SUSD3: variants seen among roughly 807,000 people sequenced by gnomAD.
SUSD3 encodes the protein sushi domain-containing protein 3.
In SUSD3, 18 loss-of-function variants were observed where a neutral mutation model predicts 20.6. The ratio of observed to expected loss-of-function variants is 0.87; its 90% confidence interval spans 0.60 to 1.30. The LOEUF is 1.30. Ranked by LOEUF, SUSD3 falls within the 50% of genes most tolerant of loss-of-function variation. The pLI, the probability that SUSD3 is intolerant of heterozygous loss-of-function variation, is 0.00. For missense variants in SUSD3, 306 were observed against 346.9 expected (o/e 0.88, Z 0.94); for synonymous variants, 137 against 141.5 (o/e 0.97, Z 0.23).
chr9:93,073,270 G>A (rs1345557036), intron 1 of SUSD3, among the ~76,000 whole-genome samples: 9 of 136,170 alleles, frequency 6.6e-5, no homozygotes, highest in South Asian at 4.7e-4. Flanking sequence ...TTTTTGAGAC[G>A]GAGTCTCGCT....
intron 4 of SUSD3, among the ~76,000 whole-genome samples, chr9:93,084,038 T>C (rs1254450690): frequency 6.6e-6 from 1 of 152,004 alleles, no homozygotes; most frequent in Non-Finnish European, 1.5e-5. Flanking sequence ...GCTTGGTTTG[T>C]ATCTGGGGGA....
chr9:93,075,652 C>T, intron 1 of SUSD3, 132 bp from the exon 2 acceptor site: 5 of 658,890 alleles, frequency 7.6e-6, no homozygotes, highest in Non-Finnish European at 1.3e-5. Context: ...CATCCAATGG[C>T]CTTTGGAGCT....
At chr9:93,074,431 C>CAAAAAAAA (rs56872294) in intron 1 of SUSD3, among the ~76,000 whole-genome samples, 3 of 38,874 alleles carry the variant, frequency 7.7e-5, no homozygotes, top group African/African-American at 1.7e-4. Context: ...GACTCTGACT[C>CAAAAAAAA]AAAAAAAAAA....
intron 4 of SUSD3, among the ~76,000 whole-genome samples, chr9:93,082,576 C>T (rs1317303757): frequency 6.6e-6 from 1 of 152,184 alleles, no homozygotes; most frequent in Non-Finnish European, 1.5e-5. Context: ...CTCGGCCTCC[C>T]AAAGTGCTGG....
chr9:93,080,608 G>C (rs1185174280), intron 4 of SUSD3, among the ~76,000 whole-genome samples: 1 of 152,200 alleles, frequency 6.6e-6, no homozygotes, highest in African/African-American at 2.4e-5. Flanking sequence ...ACATGGGCCA[G>C]GCTGCCCCCA....
chr9:93,063,853 G>T (rs977341090), intron 1 of SUSD3, among the ~76,000 whole-genome samples: 2 of 152,178 alleles, frequency 1.3e-5, no homozygotes, highest in Admixed American at 1.3e-4. Context: ...CCAGGACTGC[G>T]TTTAAGGCCC....
intron 3 of SUSD3, 27 bp from the exon 4 acceptor site, chr9:93,079,444 A>G: frequency 6.2e-7 from 1 of 1,612,422 alleles, no homozygotes; most frequent in Non-Finnish European, 8.5e-7. Context: ...GCATGCTCAG[A>G]GTCCTTCCTC....
chr9:93,082,883 C>T (rs1826477172), intron 4 of SUSD3, among the ~76,000 whole-genome samples: 1 of 152,336 alleles, frequency 6.6e-6, no homozygotes, highest in South Asian at 2.1e-4. Flanking sequence ...AGGGGCTTTG[C>T]TGGCCAGAGC....
intron 1 of SUSD3, among the ~76,000 whole-genome samples, chr9:93,074,746 C>T (rs1050832439): frequency 2.0e-5 from 3 of 150,618 alleles, no homozygotes; most frequent in Non-Finnish European, 4.4e-5. Flanking sequence ...TCCTGAGTAG[C>T]TGGAATTACA....
chr9:93,076,687 T>C (rs1350681747), intron 2 of SUSD3, among the ~76,000 whole-genome samples: 2 of 152,236 alleles, frequency 1.3e-5, no homozygotes, highest in Non-Finnish European at 2.9e-5. Flanking sequence ...TCTCTGAGGA[T>C]GCGAGTGTTA....
intron 3 of SUSD3, 73 bp from the exon 4 acceptor site, chr9:93,079,397 CA>C (rs1826308810): frequency 1.3e-6 from 2 of 1,551,564 alleles, no homozygotes. Context: ...CCTGGGCCTA[CA>C]TGGAGCCTGT....
chr9:93,065,463 A>G (rs554441680), intron 1 of SUSD3, among the ~76,000 whole-genome samples: 1 of 152,144 alleles, frequency 6.6e-6, no homozygotes, highest in African/African-American at 2.4e-5. Flanking sequence ...GCCAACGGCT[A>G]CTCCCAAACC....
At position 93,079,791 on chromosome 9, in the gene SUSD3, C is replaced by T. The variant is rs914887771; in HGVS notation, c.557+189C>T. On this transcript the variant is annotated intron_variant, in intron 4 of 4. Transcript: ENST00000375472. ...TTGTAGCACTCTGTCCTGACTCTGA[C>T]ATTCTAGGACTCAGAACTGCCCCCA... Among the ~76,000 whole-genome samples the T allele has an allele frequency of 7.2e-5, 11 of 152,112 alleles. No homozygotes were observed. The East Asian group carries it at 1.5e-3, about 21-fold the overall frequency.
At chr9:93,080,549 C>T (rs1826372845) in intron 4 of SUSD3, among the ~76,000 whole-genome samples, 1 of 152,174 alleles carries the variant, frequency 6.6e-6, no homozygotes, top group African/African-American at 2.4e-5. Context: ...TCTGTGTGAC[C>T]AGGCCCGGCT....
At chr9:93,079,177 T>A (rs936380010) in intron 3 of SUSD3, among the ~76,000 whole-genome samples, 3 of 152,224 alleles carry the variant, frequency 2.0e-5, no homozygotes, top group African/African-American at 7.2e-5. Flanking sequence ...ATTAGCACTG[T>A]CCAGCCCTAG....
chr9:93,071,262 G>C (rs1302202216), intron 1 of SUSD3, among the ~76,000 whole-genome samples: 3 of 152,236 alleles, frequency 2.0e-5, no homozygotes, highest in Non-Finnish European at 4.4e-5. Context: ...CTGCCTGCAA[G>C]CTAAGGAGCA....
At chr9:93,064,530 G>A (rs1421821473) in intron 1 of SUSD3, among the ~76,000 whole-genome samples, 3 of 152,196 alleles carry the variant, frequency 2.0e-5, no homozygotes, top group Non-Finnish European at 4.4e-5. Context: ...AGAACCTGGC[G>A]GCTGAGAACA....
chr9:93,063,388 G>A (rs1433482385), intron 1 of SUSD3, among the ~76,000 whole-genome samples: 3 of 152,186 alleles, frequency 2.0e-5, no homozygotes, highest in African/African-American at 7.2e-5. Context: ...CACCAGTTTT[G>A]CAGACGGGGA....
chr9:93,073,792 C>T (rs777247785), intron 1 of SUSD3, among the ~76,000 whole-genome samples: 4 of 152,218 alleles, frequency 2.6e-5, no homozygotes, highest in Non-Finnish European at 4.4e-5. Context: ...AAGTAACCAG[C>T]TGCTGATATA....
Sources: allele counts gnomAD v4.1 joint callset (sites outside exome capture counted in the v4.1 genomes callset), GRCh38; gene constraint gnomAD v4.1.1; transcripts MANE v1.5; gene names NCBI Gene and HGNC (gene_info 2026-07-23, HGNC 2026-07-21).